SLC44A5: variants seen among roughly 807,000 people sequenced by gnomAD.
The protein encoded by SLC44A5 is choline transporter-like protein 5.
SLC44A5 carries 57 observed loss-of-function variants against 101.8 expected under a neutral mutation model. The ratio of observed to expected loss-of-function variants is 0.56; its 90% CI spans 0.45 to 0.70. The LOEUF (loss-of-function observed/expected upper bound fraction) is 0.70. Ranked by LOEUF, SLC44A5 falls within the 30% of genes least tolerant of loss-of-function variation. The pLI is 0.00. For missense variants in SLC44A5, 737 were observed against 853.1 expected, an observed-to-expected ratio of 0.86 and a Z score of 1.70; for synonymous variants, 281 against 290.9, an observed-to-expected ratio of 0.97 and a Z score of 0.35.
rs537679465 is a variant in SLC44A5, at chr1:75,574,729, A to G, written c.-69-33213T>C. On this transcript the variant is annotated intron_variant, in intron 1 of 23. Transcript: ENST00000370859. ...TGTGATTCTGTCCTCTCTTTGGTCC[A>G]GTCATTAGAAGTATTAAGACCATAT... Among the ~76,000 whole-genome samples, 4 of 152,332 alleles carry G rather than the reference A, an allele frequency of 2.6e-5. No homozygotes were observed. The South Asian group carries it at 6.2e-4, about 24-fold the overall frequency.
chr1:75,238,412 A>ATATATATATATATATG (rs1443013609), intron 10 of SLC44A5, 101 bp downstream of exon 10: 9 of 334,092 alleles, frequency 2.7e-5, no homozygotes, highest in African/African-American at 1.8e-4. Flanking sequence ...ATATATATAT[A>ATATATATATATATATG]TGTGATTATT....
intron 4 of SLC44A5, among the ~76,000 whole-genome samples, chr1:75,327,462 A>T (rs1303995205): frequency 6.6e-6 from 1 of 152,176 alleles, no homozygotes; most frequent in Non-Finnish European, 1.5e-5. Context: ...TCACTTTTAC[A>T]ATTTGGGTTT....
chr1:75,703,758 C>A, the SLC44A5 span, among the ~76,000 whole-genome samples: 1 of 151,954 alleles, frequency 6.6e-6, no homozygotes, highest in African/African-American at 2.4e-5. Context: ...AGGTCAGGTG[C>A]CACGCCTGTT....
At chr1:75,668,901 A>G in the SLC44A5 span, among the ~76,000 whole-genome samples, 1 of 151,350 alleles carries the variant, frequency 6.6e-6, no homozygotes, top group African/African-American at 2.5e-5. Context: ...AGGCTGGGGC[A>G]GGAGAATCAC....
chr1:75,683,824 C>G, the SLC44A5 span, among the ~76,000 whole-genome samples: 1,278 of 151,848 alleles, frequency 8.4e-3, 10 homozygotes, highest in Non-Finnish European at 0.012. Flanking sequence ...AAAGAAGAAA[C>G]ACATTTCCTC....
At chr1:75,328,815 G>A (rs1180974421) in intron 4 of SLC44A5, among the ~76,000 whole-genome samples, 1 of 152,106 alleles carries the variant, frequency 6.6e-6, no homozygotes, top group East Asian at 1.9e-4. Context: ...GCCCCTCTGG[G>A]GTACAATGGG....
intron 3 of SLC44A5, among the ~76,000 whole-genome samples, chr1:75,359,179 T>C (rs924507891): frequency 1.3e-5 from 2 of 151,916 alleles, no homozygotes; most frequent in Non-Finnish European, 2.9e-5. Flanking sequence ...CTTTTCTTTT[T>C]TTTTTTAAGG....
chr1:75,658,094 TGTC>T, the SLC44A5 span, among the ~76,000 whole-genome samples: 51 of 151,938 alleles, frequency 3.4e-4, no homozygotes, highest in Non-Finnish European at 4.0e-4. Flanking sequence ...TTGTTGTTGT[TGTC>T]GTTGTTGTTT....
chr1:75,587,412 T>C (rs1304854126), intron 1 of SLC44A5, among the ~76,000 whole-genome samples: 1 of 152,204 alleles, frequency 6.6e-6, no homozygotes, highest in Non-Finnish European at 1.5e-5. Flanking sequence ...CAGTAAAATG[T>C]ATTCTTACCC....
At chr1:75,524,255 C>A (rs1488978529) in intron 2 of SLC44A5, among the ~76,000 whole-genome samples, 1 of 152,276 alleles carries the variant, frequency 6.6e-6, no homozygotes, top group East Asian at 1.9e-4. Flanking sequence ...TTCCCCTTCA[C>A]CCTTACACCA....
At chr1:75,210,694 T>C (rs2100446634) in intron 23 of SLC44A5, among the ~76,000 whole-genome samples, 1 of 152,304 alleles carries the variant, frequency 6.6e-6, no homozygotes, top group Non-Finnish European at 1.5e-5. Context: ...CCAATCATTA[T>C]TATTCACTTA....
At chr1:75,401,918 A>G (rs2101441180) in intron 2 of SLC44A5, among the ~76,000 whole-genome samples, 1 of 152,330 alleles carries the variant, frequency 6.6e-6, no homozygotes, top group Non-Finnish European at 1.5e-5. Context: ...ATTCTAGCAG[A>G]CAAAATTTCA....
intron 4 of SLC44A5, among the ~76,000 whole-genome samples, chr1:75,328,743 A>G (rs1656799515): frequency 6.6e-6 from 1 of 152,166 alleles, no homozygotes; most frequent in Admixed American, 6.5e-5. Context: ...AAACCTCTCT[A>G]CAATCCCACA....
intron 3 of SLC44A5, chr1:75,357,104 T>G (rs1381343224): frequency 4.6e-6 from 2 of 433,274 alleles, no homozygotes; most frequent in African/African-American, 4.1e-5. Flanking sequence ...TGAAATCAAT[T>G]TTAATTCCCA....
the SLC44A5 span, among the ~76,000 whole-genome samples, chr1:75,624,936 G>C: frequency 6.6e-6 from 1 of 151,852 alleles, no homozygotes; most frequent in Admixed American, 6.6e-5. Flanking sequence ...CTTCCATAAC[G>C]TGCACCAGTC....
intron 7 of SLC44A5, 91 bp from the exon 8 acceptor site, chr1:75,243,102 C>CA: frequency 7.1e-7 from 1 of 1,413,782 alleles, no homozygotes; most frequent in Non-Finnish European, 9.4e-7. Context: ...TCCACCATAA[C>CA]AAAAAGCAAT....
intron 1 of SLC44A5, among the ~76,000 whole-genome samples, chr1:75,587,128 A>T (rs1287990152): frequency 1.3e-5 from 2 of 152,102 alleles, no homozygotes; most frequent in Non-Finnish European, 1.5e-5. Context: ...GCTGCTAAAC[A>T]TCCTACAATG....
At chr1:75,642,669 C>T in the SLC44A5 span, among the ~76,000 whole-genome samples, 9 of 151,844 alleles carry the variant, frequency 5.9e-5, no homozygotes, top group Non-Finnish European at 7.4e-5. Flanking sequence ...TTGCTGAAGC[C>T]ATAACTCAAT....
the SLC44A5 span, among the ~76,000 whole-genome samples, chr1:75,715,760 C>T: frequency 2.0e-5 from 3 of 152,098 alleles, no homozygotes; most frequent in African/African-American, 7.2e-5. Context: ...ACAAAGACGA[C>T]AAAAACAATT....
Sources: allele counts gnomAD v4.1 joint callset (sites outside exome capture counted in the v4.1 genomes callset), GRCh38; gene constraint gnomAD v4.1.1; transcripts MANE v1.5; gene names NCBI Gene and HGNC (gene_info 2026-07-23, HGNC 2026-07-21).